Variants in NLRC5 observed in about 807,000 individuals in gnomAD.
NLRC5 encodes the protein protein NLRC5.
A neutral mutation model predicts 206.9 loss-of-function variants in NLRC5; 114 were observed. The ratio of observed to expected loss-of-function variants is 0.55; its 90% CI spans 0.47 to 0.64. The LOEUF (loss-of-function observed/expected upper bound fraction) is 0.64. NLRC5 is among the 30% of genes least tolerant of loss of function. The pLI is 0.00. For missense variants in NLRC5, 2,008 were observed against 2,305.5 expected, an observed-to-expected ratio of 0.87 and a Z score of 2.64; for synonymous variants, 952 against 962.8, an observed-to-expected ratio of 0.99 and a Z score of 0.21.
chr16:57,039,639 C>G (rs2063032590), intron 15 of NLRC5, 142 bp from the exon 16 acceptor site: 3 of 719,928 alleles, frequency 4.2e-6, no homozygotes, highest in African/African-American at 1.8e-5. Context: ...ATTGCTTGAG[C>G]CCAGGAGGTG....
chr16:57,022,342 AG>A (rs758319743), intron 4 of NLRC5, 27 bp downstream of exon 4: 69 of 1,596,706 alleles, frequency 4.3e-5, no homozygotes, highest in Non-Finnish European at 5.8e-5. Flanking sequence ...GGGGGTGGGA[AG>A]GGGGTGGTGA....
rs771596617 is a variant in NLRC5 at position 57,079,609 on chromosome 16, C to T, written c.5301C>T (p.Cys1767=). 3 of 1,613,912 alleles carry T rather than the reference C, an allele frequency of 1.9e-6. No individual in the cohort carries two copies. Among genetic ancestry groups the T allele is most frequent in the Admixed American group, 1.7e-5 (1 of 60,008 alleles). ...AKLLTSSFTS[C]PALEVILLSW... ...TCCTCACCTCCAGCTTCACGAGCTG[C>T]CCTGCCCTGGAAGTAATCTTGTGAG... is the stretch of plus-strand genomic sequence containing the variant. The change falls in exon 46 of 49, where the codon TGC becomes TGT. Residue 1767 remains cysteine, a synonymous_variant. Transcript: ENST00000688547.
intron 33 of NLRC5, 85 bp downstream of exon 33, chr16:57,065,383 G>GAA: frequency 1.1e-6 from 1 of 933,424 alleles, no homozygotes; most frequent in Non-Finnish European, 1.5e-6. Flanking sequence ...CATCCTGTGG[G>GAA]GTAATAGCTG....
chr16:57,029,661 G>A, intron 8 of NLRC5, 112 bp from the exon 9 acceptor site: 1 of 827,330 alleles, frequency 1.2e-6, no homozygotes, highest in Non-Finnish European at 2.0e-6. Context: ...GCTCTTTCTG[G>A]GCCCCTGTCT....
At chr16:57,010,655 G>A (rs1310785260) in intron 1 of NLRC5, among the ~76,000 whole-genome samples, 1 of 152,198 alleles carries the variant, frequency 6.6e-6, no homozygotes, top group Non-Finnish European at 1.5e-5. Flanking sequence ...TTACAGGCGT[G>A]AGCCACTGCA....
chr16:57,024,883 A>C (rs1378006486), intron 5 of NLRC5, among the ~76,000 whole-genome samples: 3 of 151,992 alleles, frequency 2.0e-5, no homozygotes, highest in African/African-American at 4.8e-5. Context: ...GGTGGTGTGC[A>C]CCTGTAGTCC....
intron 46 of NLRC5, 45 bp from the exon 47 acceptor site, chr16:57,081,053 C>T (rs746606367): frequency 1.2e-5 from 18 of 1,521,396 alleles, no homozygotes; most frequent in Non-Finnish European, 1.6e-5. Context: ...CACCCCTCGA[C>T]CTCCTTGCTC....
rs1010961318 is a variant in NLRC5, at chr16:57,047,720, C to T, written c.3422+92C>T. ...CTTCTTGGTTAGAAGACAGGTGAGTCTTTCTCGATTTCTTCCCACCAGCCC... is the reference window on the plus strand; with the variant it reads ...CTTCTTGGTTAGAAGACAGGTGAGTTTTTCTCGATTTCTTCCCACCAGCCC... On this transcript the variant is annotated intron_variant, in intron 23 of 48. Coordinates refer to ENST00000688547, the MANE Select transcript of NLRC5 (RefSeq NM_001384950.1). 82 of 1,096,758 alleles carry T rather than the reference C, an allele frequency of 7.5e-5. 1 individual carries two copies. The Admixed American group carries it at 1.6e-3, about 22-fold the overall frequency. 67.9% of individuals were successfully genotyped at this position (1,096,758 alleles called of 1,614,324 possible).
rs956417129 is a variant in NLRC5, at chr16:57,026,791, T to C, written c.1848T>C (p.Cys616=). The C allele has an allele frequency of 6.2e-6, 10 of 1,614,010 alleles. No homozygotes were observed. The highest frequency in any genetic ancestry group is 8.5e-6 in the Non-Finnish European group (10 of 1,179,996). Residue 616 remains cysteine, a synonymous_variant, in exon 6 of 49, where the codon TGT becomes TGC. Coordinates refer to ENST00000688547, the MANE Select transcript of NLRC5 (RefSeq NM_001384950.1). ...CAGGGCCAAAGGTTGTAGAGCTGTG[T>C]CACTGTGTGGATGAGACACAGGAGC... is the stretch of plus-strand genomic sequence containing the variant. ...KLTGPKVVEL[C]HCVDETQEPE...
intron 1 of NLRC5, among the ~76,000 whole-genome samples, chr16:57,016,138 C>T (rs1019445932): frequency 3.3e-5 from 5 of 150,904 alleles, no homozygotes; most frequent in Non-Finnish European, 7.4e-5. Context: ...TTGCTTGAAC[C>T]TAGGAGGTGG....
At chr16:57,045,259 A>C in intron 20 of NLRC5, 189 bp from the exon 21 acceptor site, 1 of 598,028 alleles carries the variant, frequency 1.7e-6, no homozygotes, top group Non-Finnish European at 3.0e-6. Flanking sequence ...GTGAGAATCA[A>C]ATGAGAAATG....
intron 13 of NLRC5, chr16:57,034,550 G>A (rs988239868): frequency 9.2e-6 from 3 of 327,852 alleles, no homozygotes; most frequent in African/African-American, 6.4e-5. Context: ...ACTTGCTCAA[G>A]GCCACACAGG....
rs772082014 is a variant in NLRC5 at position 57,051,554 on chromosome 16, C to T, written c.3439C>T (p.Leu1147=). The change falls in exon 24 of 49, where the codon CTG becomes TTG. Residue 1147 remains leucine (L), a synonymous_variant. Coordinates refer to ENST00000688547, the MANE Select transcript of NLRC5 (RefSeq NM_001384950.1). ...GTTTCACAGATTGTCCTGTGAGTTC[C>T]TGAGTGACCAGAGCCTGGAGACTCT... ...PLELQLSCEF[L]SDQSLETLLD... is the part of the protein sequence containing the mutation. 1.9e-5 allele frequency: 30 copies of T among 1,613,916 alleles called. 2 individuals carry two copies. The South Asian group carries it at 3.1e-4, about 17-fold the overall frequency.
intron 1 of NLRC5, among the ~76,000 whole-genome samples, chr16:57,012,661 T>C (rs1381379506): frequency 1.3e-5 from 2 of 152,200 alleles, no homozygotes; most frequent in Non-Finnish European, 2.9e-5. Flanking sequence ...TGTAATGAGC[T>C]TGAATCATCC....
chr16:57,028,672 G>C (rs1472980737), intron 8 of NLRC5, among the ~76,000 whole-genome samples: 1 of 152,244 alleles, frequency 6.6e-6, no homozygotes, highest in Non-Finnish European at 1.5e-5. Context: ...AGGGATAGCA[G>C]TGCGTAGGCA....
chr16:57,041,719 T>C lies in NLRC5; in HGVS notation c.3029+145T>C. On this transcript the variant is annotated intron_variant, in intron 18 of 48. Transcript: ENST00000688547. ...ACCCCTTGGAGAATCTGGTGAAAGTTGTGACTCTTCCTCCCAAGATACAGA... is the reference window on the plus strand; with the variant it reads ...ACCCCTTGGAGAATCTGGTGAAAGTCGTGACTCTTCCTCCCAAGATACAGA... 4.2e-6 allele frequency: 3 copies of C among 710,758 alleles called. No homozygotes were observed. In the Admixed American group the frequency reaches 7.5e-5, roughly 18 times the overall value. 44.0% of individuals were successfully genotyped at this position (710,758 alleles called of 1,614,324 possible).
intron 39 of NLRC5, among the ~76,000 whole-genome samples, chr16:57,075,005 CTTTTTTTTTTTTTTTTTTTTTTT>C (rs77796033): frequency 1.2e-4 from 7 of 58,066 alleles, no homozygotes; most frequent in South Asian, 1.2e-3. Flanking sequence ...CTAGACTGTG[CTTTTTTTTTTTTTTTTTTTTTTT>C]TTTTTTTTTT....
At chr16:57,014,709 T>C (rs939437609) in intron 1 of NLRC5, among the ~76,000 whole-genome samples, 1 of 152,190 alleles carries the variant, frequency 6.6e-6, no homozygotes, top group African/African-American at 2.4e-5. Context: ...TTAGTCAGTT[T>C]GGGCTGTTAT....
At chr16:57,059,907 G>A (rs2144620024) in intron 30 of NLRC5, among the ~76,000 whole-genome samples, 1 of 152,200 alleles carries the variant, frequency 6.6e-6, no homozygotes, top group East Asian at 1.9e-4. Flanking sequence ...CAAGTAAAAT[G>A]GGGATAATAA....
Sources: gnomAD v4.1 joint callset for allele counts (sites outside exome capture counted in the v4.1 genomes callset) on GRCh38, gnomAD v4.1.1 for gene constraint, MANE v1.5 for transcripts, NCBI Gene and HGNC (gene_info 2026-07-23, HGNC 2026-07-21) for gene names.